SENP1: variants seen among roughly 807,000 people sequenced by gnomAD.
SENP1 encodes the protein SUMO specific peptidase 1.
Under a neutral mutation model 93.0 loss-of-function variants are expected in SENP1, and 21 were observed. The ratio of observed to expected loss-of-function variants is 0.23; its 90% confidence interval spans 0.16 to 0.33. SENP1 has a LOEUF of 0.33. Ranked by LOEUF, SENP1 falls within the 10% of genes least tolerant of loss-of-function variation. The pLI is 1.00. For missense variants in SENP1, 591 were observed against 758.7 expected (o/e 0.78, Z 2.60); for synonymous variants, 256 against 259.6 (o/e 0.99, Z 0.13).
intron 5 of SENP1, chr12:48,085,534 T>C (rs918444051): frequency 1.9e-6 from 1 of 512,922 alleles, no homozygotes. Context: ...TCCAAGTCCC[T>C]GCCCCTTCCC....
At chr12:48,060,154 C>T (rs1942863455) in intron 13 of SENP1, among the ~76,000 whole-genome samples, 2 of 152,174 alleles carry the variant, frequency 1.3e-5, no homozygotes, top group South Asian at 4.1e-4. Context: ...GGATCACTGC[C>T]TGGTACTACC....
chr12:48,052,078 T>C (rs914204610), intron 13 of SENP1, among the ~76,000 whole-genome samples: 1 of 152,210 alleles, frequency 6.6e-6, no homozygotes, highest in South Asian at 2.1e-4. Flanking sequence ...GGGTTGTTTA[T>C]AGTGCCTTGT....
chr12:48,089,612 T>C (rs1945097413), intron 4 of SENP1, among the ~76,000 whole-genome samples: 1 of 152,216 alleles, frequency 6.6e-6, no homozygotes, highest in South Asian at 2.1e-4. Flanking sequence ...GAATTACTTA[T>C]TATTTGAATT....
At chr12:48,063,879 T>C in intron 12 of SENP1, 38 bp from the exon 13 acceptor site, 1 of 1,580,648 alleles carries the variant, frequency 6.3e-7, no homozygotes, top group Admixed American at 1.8e-5. Context: ...CAAACACGCG[T>C]GGCTTCAGAA....
Position 48,063,778 on chromosome 12 carries a change from C to A in SENP1, c.1339G>T (p.Ala447Ser). 1 of 1,612,970 alleles carries A rather than the reference C, an allele frequency of 6.2e-7. No homozygotes were observed. The highest frequency in any genetic ancestry group is 1.1e-5 in the South Asian group (1 of 91,042). The change falls in exon 13 of 18, where the codon GCA becomes TCA. Residue 447 changes from alanine to serine, a missense_variant. Coordinates refer to ENST00000549518, the MANE Select transcript of SENP1 (RefSeq NM_001267594.2). ...TTGCGTGTAATGGTCAGGCGAAATG[C>A]TTCACTGAGAACTTCATCCTGATTC... ...NGNQDEVLSE[A>S]FRLTITRKDI...
intron 17 of SENP1, 74 bp downstream of exon 17, chr12:48,046,282 T>C (rs1242428556): frequency 1.0e-6 from 1 of 997,788 alleles, no homozygotes; most frequent in African/African-American, 1.6e-5. Context: ...AGAGAACAAC[T>C]GGAGAGAAAA....
At chr12:48,075,964 G>A (rs1039307525) in intron 6 of SENP1, among the ~76,000 whole-genome samples, 1 of 152,120 alleles carries the variant, frequency 6.6e-6, no homozygotes, top group African/African-American at 2.4e-5. Flanking sequence ...CCCTGAGAGA[G>A]GAAGGTGCTT....
At chr12:48,048,893 CT>C (rs753663255) in intron 14 of SENP1, 35 bp downstream of exon 14, 1 of 1,521,946 alleles carries the variant, frequency 6.6e-7, no homozygotes, top group Non-Finnish European at 9.1e-7. Flanking sequence ...AAGTACATAG[CT>C]TTTACATTTT....
At chr12:48,093,327 A>G (rs1227772233) in intron 4 of SENP1, among the ~76,000 whole-genome samples, 1 of 130,878 alleles carries the variant, frequency 7.6e-6, no homozygotes, top group East Asian at 2.4e-4. Context: ...TGTGTCGCCC[A>G]GGATGGAGTG....
In SENP1 at chr12:48,044,573, G is replaced by C. The variant is rs551518520; in HGVS notation, c.*749C>G. 1.3e-5 allele frequency: 2 copies of C among 152,088 alleles called. No individual in the cohort carries two copies. Among genetic ancestry groups the C allele is most frequent in the South Asian group, 2.1e-4 (1 of 4,820 alleles). 9.4% of individuals were successfully genotyped at this position (152,088 alleles called of 1,614,324 possible). ...TGTTGCGCCACTGAAACCGCTCCCT[G>C]GGTGGGTCTTCCCCGTATCATGTGT... On this transcript the variant is annotated 3_prime_UTR_variant, in exon 18 of 18. Coordinates refer to ENST00000549518, the MANE Select transcript of SENP1 (RefSeq NM_001267594.2).
Position 48,074,713 on chromosome 12 carries a change from G to A in SENP1, c.633C>T (p.Pro211=), listed in dbSNP as rs1210063125. 1.9e-6 allele frequency: 3 copies of A among 1,613,294 alleles called. No homozygotes were observed. The highest frequency in any genetic ancestry group is 2.5e-6 in the Non-Finnish European group (3 of 1,179,480). ...VTGKQFTIAK[P]TTHFPLHLSR... ...ACAGGTGTAAAGGAAAATGTGTGGTGGGTTTGGCTATAGTAAACTGTTTCC... is the reference window on the plus strand; with the variant it reads ...ACAGGTGTAAAGGAAAATGTGTGGTAGGTTTGGCTATAGTAAACTGTTTCC... The change falls in exon 7 of 18, where the codon CCC becomes CCT. Residue 211 remains proline (P), a synonymous_variant. Transcript: ENST00000549518.
intron 4 of SENP1, 127 bp from the exon 5 acceptor site, chr12:48,089,087 G>A (rs1945066986): frequency 6.5e-7 from 1 of 1,545,048 alleles, no homozygotes; most frequent in East Asian, 2.3e-5. Flanking sequence ...ATGGAAGAAA[G>A]ATCCCAGTCT....
Position 48,046,410 on chromosome 12 carries a change from A to C in SENP1, c.1818T>G (p.Phe606Leu). 6.2e-7 allele frequency: 1 copy of C among 1,613,462 alleles called. No homozygotes were observed. The highest frequency in any genetic ancestry group is 8.5e-7 in the Non-Finnish European group (1 of 1,179,472). ...QQMNGSDCGM[F>L]ACKYADCITK... ...TAATACAGTCAGCATATTTGCAGGC[A>C]AACATCCCACAGTCACTTCCATTCA... The change falls in exon 17 of 18, where the codon TTT (phenylalanine) becomes TTG (leucine). Residue 606 changes from phenylalanine to leucine, a missense_variant. By Grantham distance (22) the Phe-to-Leu change is conservative. Transcript: ENST00000549518.
At chr12:48,076,491 ATT>A (rs879363366) in intron 6 of SENP1, among the ~76,000 whole-genome samples, 1 of 144,352 alleles carries the variant, frequency 6.9e-6, no homozygotes. Flanking sequence ...CACAGAGCTA[ATT>A]TTTTTTTTTT....
intron 15 of SENP1, 135 bp downstream of exon 15, chr12:48,047,866 A>G (rs1359587503): frequency 3.2e-6 from 2 of 623,544 alleles, no homozygotes; most frequent in African/African-American, 3.7e-5. Context: ...ACTTAGATAC[A>G]AAATATGCAT....
intron 9 of SENP1, among the ~76,000 whole-genome samples, chr12:48,069,216 G>GTCT (rs1456889899): frequency 2.0e-5 from 3 of 147,208 alleles, no homozygotes; most frequent in Non-Finnish European, 4.5e-5. Context: ...AGCTTACCAA[G>GTCT]TAGACAGAGA....
At chr12:48,100,071 C>CTCTCTCTATT (rs1945821005) in intron 2 of SENP1, among the ~76,000 whole-genome samples, 1 of 152,032 alleles carries the variant, frequency 6.6e-6, no homozygotes, top group Admixed American at 6.6e-5. Flanking sequence ...AAAAGGAAAA[C>CTCTCTCTATT]ACAGAATAGA....
At chr12:48,064,173 TC>T (rs1384555805) in intron 12 of SENP1, among the ~76,000 whole-genome samples, 3 of 152,202 alleles carry the variant, frequency 2.0e-5, no homozygotes, top group Admixed American at 2.0e-4. Context: ...ATATCTCTGG[TC>T]CAAATGACTT....
chr12:48,082,758 G>A (rs369795452), intron 6 of SENP1, among the ~76,000 whole-genome samples: 1 of 152,134 alleles, frequency 6.6e-6, no homozygotes, highest in East Asian at 1.9e-4. Context: ...AGTGTCAACA[G>A]AACATCTTTC....
Sources: allele counts gnomAD v4.1 joint callset (sites outside exome capture counted in the v4.1 genomes callset), GRCh38; gene constraint gnomAD v4.1.1; transcripts MANE v1.5; gene names NCBI Gene and HGNC (gene_info 2026-07-23, HGNC 2026-07-21).